The following CALB2 variants were observed in gnomAD, a reference collection of about 807,000 sequenced individuals.
CALB2 encodes the protein calretinin.
A neutral mutation model predicts 45.9 loss-of-function variants in CALB2; 34 were observed. That is an observed-to-expected ratio of 0.74 (90% confidence interval 0.56 to 0.99). The LOEUF is 0.99. Among genes scored for constraint, CALB2 ranks in the 50% least tolerant of loss-of-function variants. CALB2 has a pLI of 0.00. For synonymous variants in CALB2, 142 were observed against 129.6 expected (o/e 1.10, Z -0.65); for missense variants, 344 against 339.3 (o/e 1.01, Z -0.11).
At chr16:71,382,155 A>AGAAGGAAGGAAGGAAGGAAGGAAGGAAG (rs1555526542) in intron 4 of CALB2, among the ~76,000 whole-genome samples, 3 of 144,402 alleles carry the variant, frequency 2.1e-5, no homozygotes, top group Admixed American at 7.1e-5. Context: ...AAGGAAGGAA[A>AGAAGGAAGGAAGGAAGGAAGGAAGGAAG]GAAAATAAAG....
intron 1 of CALB2, among the ~76,000 whole-genome samples, chr16:71,362,723 G>T (rs765283028): frequency 2.6e-5 from 4 of 152,048 alleles, no homozygotes; most frequent in Non-Finnish European, 4.4e-5. Flanking sequence ...TATGTATGTT[G>T]CAGGATATTT....
Position 71,358,736 on chromosome 16 carries a change from G to C in CALB2, c.-57G>C, listed in dbSNP as rs1047384868. On this transcript the variant is annotated 5_prime_UTR_variant, in exon 1 of 11. Coordinates refer to ENST00000302628, the MANE Select transcript of CALB2 (RefSeq NM_001740.5). The stretch of plus-strand genomic sequence containing the variant: ...GCGCACAACCCCAGCGCGAGTGCCA[G>C]AGCCCAGCCGGCGCGGAGCGGGAGC... 1.6e-5 allele frequency: 22 copies of C among 1,408,280 alleles called. No individual in the cohort carries two copies. Among genetic ancestry groups the C allele is most frequent in the Non-Finnish European group, 2.2e-5 (22 of 1,018,586 alleles). 87.2% of individuals were successfully genotyped at this position (1,408,280 alleles called of 1,614,324 possible).
chr16:71,369,909 A>C (rs2042328124), intron 1 of CALB2, among the ~76,000 whole-genome samples: 1 of 152,152 alleles, frequency 6.6e-6, no homozygotes, highest in African/African-American at 2.4e-5. Flanking sequence ...AGCATCATCA[A>C]CTAGACGATG....
chr16:71,372,288 G>T, intron 2 of CALB2, 59 bp downstream of exon 2: 1 of 1,247,250 alleles, frequency 8.0e-7, no homozygotes, highest in Non-Finnish European at 1.2e-6. Context: ...CTTTGAGCAT[G>T]CTGTGTCCCA....
chr16:71,384,567 C>T (rs1163330238), intron 8 of CALB2, among the ~76,000 whole-genome samples, 189 bp downstream of exon 8: 1 of 135,156 alleles, frequency 7.4e-6, no homozygotes, highest in Non-Finnish European at 1.6e-5. Flanking sequence ...ACACACACCA[C>T]ATACACAACA....
chr16:71,367,614 T>G (rs1268533130), intron 1 of CALB2, among the ~76,000 whole-genome samples: 1 of 152,156 alleles, frequency 6.6e-6, no homozygotes, highest in Non-Finnish European at 1.5e-5. Flanking sequence ...CTGTCTGCCA[T>G]CAGCTGCCTG....
intron 1 of CALB2, among the ~76,000 whole-genome samples, chr16:71,366,335 T>C (rs1193351784): frequency 2.1e-5 from 1 of 47,760 alleles, no homozygotes; most frequent in Non-Finnish European, 3.9e-5. Flanking sequence ...TTTTTTTTTT[T>C]TTTTTTTTTG....
chr16:71,384,933 G>T (rs149167617), intron 9 of CALB2, 97 bp downstream of exon 9: 7 of 1,054,024 alleles, frequency 6.6e-6, no homozygotes, highest in African/African-American at 6.3e-5. Context: ...GCTTTCCAGG[G>T]GTGGCCTGGG....
At chr16:71,372,037 C>T in intron 1 of CALB2, 116 bp from the exon 2 acceptor site, 1 of 767,054 alleles carries the variant, frequency 1.3e-6, no homozygotes. Context: ...CTGGCCTAGA[C>T]ACCTGCCTGT....
chr16:71,363,199 A>G (rs914737327), intron 1 of CALB2, among the ~76,000 whole-genome samples: 2 of 152,100 alleles, frequency 1.3e-5, no homozygotes, highest in African/African-American at 4.8e-5. Flanking sequence ...AAAATAACTA[A>G]CTAAATAAAT....
Position 71,384,778 on chromosome 16 carries a change from T to C in CALB2, c.574-5T>C, listed in dbSNP as rs775345883. ...CTTCTGTCTTTAATACCCTGGTTCT[T>C]GCAGGGCATGAAGCTGACCTCAGAG... On this transcript the variant is annotated splice_region_variant and splice_polypyrimidine_tract_variant and intron_variant, in intron 8 of 10. Transcript: ENST00000302628. 5.7e-6 allele frequency: 8 copies of C among 1,401,000 alleles called. No homozygotes were observed. Among genetic ancestry groups the C allele is most frequent in the Non-Finnish European group, 7.5e-6 (8 of 1,065,466 alleles). 86.8% of individuals were successfully genotyped at this position (1,401,000 alleles called of 1,614,324 possible). A position where few individuals can be genotyped will look rare whatever the true frequency, so the allele number is the denominator to read the frequency against.
intron 4 of CALB2, 33 bp from the exon 5 acceptor site, chr16:71,382,686 T>C: frequency 6.2e-7 from 1 of 1,606,600 alleles, no homozygotes; most frequent in Non-Finnish European, 8.5e-7. Flanking sequence ...TTGATACGTC[T>C]TTGCAAAGAG....
chr16:71,387,486 T>G (rs35060794), intron 10 of CALB2, among the ~76,000 whole-genome samples: 24,421 of 150,616 alleles, frequency 0.16, 2,703 homozygotes, highest in East Asian at 0.33. Flanking sequence ...TAAACCCACA[T>G]AGATGCACGC....
intron 2 of CALB2, among the ~76,000 whole-genome samples, chr16:71,373,017 G>C (rs1053975297): frequency 1.3e-5 from 2 of 152,204 alleles, no homozygotes; most frequent in Non-Finnish European, 2.9e-5. Flanking sequence ...AGTGACAGGA[G>C]TGTTGCTTTC....
chr16:71,389,734 C>T lies in CALB2; in HGVS notation c.700-15C>T, dbSNP rs1179494391. The stretch of plus-strand genomic sequence containing the variant: ...TCCCCTGAACCTGCTCTTACCCTCT[C>T]CCTGTATTTCCTAGGAAATGAATAT... On this transcript the variant is annotated splice_polypyrimidine_tract_variant and intron_variant, in intron 10 of 10. Transcript: ENST00000302628. The T allele has an allele frequency of 6.3e-7, 1 of 1,597,182 alleles. No homozygotes were observed. The highest frequency in any genetic ancestry group is 8.6e-7 in the Non-Finnish European group (1 of 1,165,192).
In CALB2 at chr16:71,384,980, G is replaced by A. The variant is rs1598176422; in HGVS notation, c.627+144G>A. 4 of 727,232 alleles carry A rather than the reference G, an allele frequency of 5.5e-6. No homozygotes were observed. In the East Asian group the frequency reaches 7.6e-5, roughly 14 times the overall value. The allele number at this position is 727,232 out of a possible 1,614,324, so 45.0% of individuals were successfully genotyped here. A position where few individuals can be genotyped will look rare whatever the true frequency, so the allele number is the denominator to read the frequency against. On this transcript the variant is annotated intron_variant, in intron 9 of 10. Transcript: ENST00000302628. The stretch of plus-strand genomic sequence containing the variant: ...CTTCCTGCCGCATCTTCTGCTGTAT[G>A]AGAAGGCAAATGTCATTCTCCACCG...
In CALB2 at chr16:71,384,363, C is replaced by T; in HGVS notation, c.558C>T (p.Phe186=). 6.2e-7 allele frequency: 1 copy of T among 1,609,586 alleles called. No individual in the cohort carries two copies. Among genetic ancestry groups the T allele is most frequent in the Non-Finnish European group, 8.5e-7 (1 of 1,178,642 alleles). The change falls in exon 8 of 11, where the codon TTC becomes TTT. Residue 186 remains phenylalanine, a synonymous_variant. Coordinates refer to ENST00000302628, the MANE Select transcript of CALB2 (RefSeq NM_001740.5). ...GACTCCTGCCTGTCCAGGAAAACTT[C>T]CTGCTTAAATTTCAGGTAAAACTTT... ...MSRLLPVQEN[F]LLKFQGMKLT...
chr16:71,380,292 CT>C (rs544138378), intron 4 of CALB2, among the ~76,000 whole-genome samples: 133 of 43,810 alleles, frequency 3.0e-3, no homozygotes, highest in East Asian at 0.011. Context: ...CCTTCCTTTT[CT>C]TTTTTTTTTT....
intron 4 of CALB2, among the ~76,000 whole-genome samples, chr16:71,381,029 G>A (rs4788799): frequency 0.095 from 14,517 of 152,254 alleles, 837 homozygotes; most frequent in South Asian, 0.16. Flanking sequence ...ATGGTCGGAA[G>A]TGGACCCGCT....
Sources: allele counts gnomAD v4.1 joint callset (sites outside exome capture counted in the v4.1 genomes callset), GRCh38; gene constraint gnomAD v4.1.1; transcripts MANE v1.5; gene names NCBI Gene and HGNC (gene_info 2026-07-23, HGNC 2026-07-21).